The following ANKRD12 variants were observed in gnomAD, a reference collection of about 807,000 sequenced individuals.
ANKRD12 encodes ankyrin repeat domain 12.
In ANKRD12, 85 loss-of-function variants were observed where a neutral mutation model predicts 183.4. That is an observed-to-expected ratio of 0.46 (90% CI 0.39 to 0.56). The LOEUF (loss-of-function observed/expected upper bound fraction) is 0.56, where lower values mean the gene tolerates loss of function less well. Among genes scored for constraint, ANKRD12 ranks in the 20% least tolerant of loss-of-function variants. The pLI is 0.00. For missense variants in ANKRD12, 2,405 were observed against 2,357.1 expected, an observed-to-expected ratio of 1.02 and a Z score of -0.42; for synonymous variants, 914 against 800.2, an observed-to-expected ratio of 1.14 and a Z score of -2.40.
Position 9,162,564 on chromosome 18 carries a change from C to G in ANKRD12, c.-51-19818C>G, listed in dbSNP as rs541791024. On this transcript the variant is annotated intron_variant, in intron 1 of 12. Coordinates refer to ENST00000262126, the MANE Select transcript of ANKRD12 (RefSeq NM_015208.5). ...GATTTATATTCCTTTGGGTATATAC[C>G]TAGTAATGAGATGGCTGGGTCAAAT... Among the ~76,000 whole-genome samples the G allele has an allele frequency of 3.3e-5, 5 of 152,180 alleles. No individual in the cohort carries two copies. In the East Asian group the frequency reaches 9.6e-4, roughly 29 times the overall value.
At chr18:9,148,631 C>T (rs533222231) in intron 1 of ANKRD12, among the ~76,000 whole-genome samples, 127 of 152,162 alleles carry the variant, frequency 8.3e-4, no homozygotes, top group African/African-American at 2.9e-3. Flanking sequence ...GGAGCCAGAA[C>T]TTAGGTTTCA....
rs188237810 is a variant in ANKRD12 at position 9,284,164 on chromosome 18, C to T, written c.*3038C>T. The T allele has an allele frequency of 6.6e-6, 1 of 152,316 alleles. No homozygotes were observed. Among genetic ancestry groups the T allele is most frequent in the East Asian group, 1.9e-4 (1 of 5,194 alleles). 9.4% of individuals were successfully genotyped at this position (152,316 alleles called of 1,614,324 possible). A position where few individuals can be genotyped will look rare whatever the true frequency, so the allele number is the denominator to read the frequency against. On this transcript the variant is annotated 3_prime_UTR_variant, in exon 13 of 13. Coordinates refer to ENST00000262126, the MANE Select transcript of ANKRD12 (RefSeq NM_015208.5). ...CTGTTGGAAAAAGAGCACCAATAGA[C>T]TTGCTTGAAGCAGGGTTGCCACAAA...
rs552622770 is a variant in ANKRD12 at position 9,270,637 on chromosome 18, G to T, written c.5764-4887G>T. Among the ~76,000 whole-genome samples the T allele has an allele frequency of 3.3e-5, 5 of 152,190 alleles. No homozygotes were observed. The South Asian group carries it at 1.0e-3, about 32-fold the overall frequency. ...TTGTGGGGTGGAGGGAGGCGGGGAG[G>T]GATAGCATTAGGAGAGATACCTAAT... is the stretch of plus-strand genomic sequence containing the variant. On this transcript the variant is annotated intron_variant, in intron 10 of 12. Transcript: ENST00000262126.
chr18:9,235,211 A>G (rs1337002387), intron 8 of ANKRD12, among the ~76,000 whole-genome samples: 1 of 152,240 alleles, frequency 6.6e-6, no homozygotes, highest in Non-Finnish European at 1.5e-5. Context: ...ATCTTAAAAA[A>G]TAGGCCAATA....
At chr18:9,248,319 C>T (rs2038084661) in intron 8 of ANKRD12, among the ~76,000 whole-genome samples, 1 of 152,192 alleles carries the variant, frequency 6.6e-6, no homozygotes, top group Non-Finnish European at 1.5e-5. Flanking sequence ...TCAGTATTGA[C>T]ATAAACTTGC....
rs146429404 is a variant in ANKRD12 at position 9,236,263 on chromosome 18, G to T, written c.943+14264G>T. 6.3e-3 allele frequency among the ~76,000 whole-genome samples: 964 copies of T among 152,278 alleles called. 7 individuals carry two copies. Among genetic ancestry groups the T allele is most frequent in the Middle Eastern group, 0.017 (5 of 294 alleles). ...TGTGAAGGTGGCAACTTTGCTTTTA[G>T]TATCTATTTTCACCTCTTCACTATC... On this transcript the variant is annotated intron_variant, in intron 8 of 12. Coordinates refer to ENST00000262126, the MANE Select transcript of ANKRD12 (RefSeq NM_015208.5).
intron 1 of ANKRD12, among the ~76,000 whole-genome samples, chr18:9,160,658 G>T (rs1461395705): frequency 2.0e-5 from 3 of 152,182 alleles, no homozygotes; most frequent in Non-Finnish European, 4.4e-5. Context: ...CTAGGGATCT[G>T]TATCTTTTTT....
intron 9 of ANKRD12, among the ~76,000 whole-genome samples, chr18:9,261,791 C>T (rs1444713223): frequency 6.6e-6 from 1 of 152,208 alleles, no homozygotes; most frequent in Non-Finnish European, 1.5e-5. Context: ...GTTTCACTAA[C>T]TCTAACTCTG....
chr18:9,272,943 G>A (rs60354371), intron 10 of ANKRD12, among the ~76,000 whole-genome samples: 11,193 of 152,068 alleles, frequency 0.074, 424 homozygotes, highest in African/African-American at 0.083. Context: ...GTCGAGGAGA[G>A]GAGAGAATGG....
Position 9,257,313 on chromosome 18 carries a change from A to C in ANKRD12, c.4046A>C (p.Glu1349Ala), listed in dbSNP as rs1300472966. The change falls in exon 9 of 13, where the codon GAG becomes GCG. Residue 1349 changes from glutamate to alanine, a missense_variant. Around this residue, in one of 7 missense-constraint regions of ANKRD12, gnomAD observed 1,983 missense variants for 1,725.9 expected, o/e 1.15. Transcript: ENST00000262126. Reference protein sequence around the residue: ...PGDTSPSPKPEVFSNVPERDL... With the variant: ...PGDTSPSPKPAVFSNVPERDL... ...GATACTAGTCCTTCTCCCAAACCTG[A>C]GGTATTCTCAAATGTGCCTGAAAGA... is the stretch of plus-strand genomic sequence containing the variant. The C allele has an allele frequency of 6.2e-7, 1 of 1,614,170 alleles. No individual in the cohort carries two copies. The highest frequency in any genetic ancestry group is 1.7e-5 in the Admixed American group (1 of 60,022).
intron 2 of ANKRD12, among the ~76,000 whole-genome samples, 169 bp from the exon 3 acceptor site, chr18:9,195,382 A>AG (rs1323951677): frequency 1.8e-4 from 28 of 152,330 alleles, no homozygotes; most frequent in African/African-American, 5.5e-4. Context: ...GTAGGGAAAT[A>AG]TGAAACAGGA....
chr18:9,199,029 A>C (rs1453845437), intron 3 of ANKRD12, among the ~76,000 whole-genome samples: 1 of 152,160 alleles, frequency 6.6e-6, no homozygotes, highest in Non-Finnish European at 1.5e-5. Flanking sequence ...ATGGTGGCTC[A>C]CACCTGAAAT....
chr18:9,276,840 A>G (rs1485272585), intron 11 of ANKRD12, among the ~76,000 whole-genome samples: 2 of 152,244 alleles, frequency 1.3e-5, no homozygotes, highest in Non-Finnish European at 2.9e-5. Context: ...GACTAAAGAA[A>G]TAGGCACTGG....
chr18:9,281,037 A>G lies in ANKRD12; in HGVS notation c.6100A>G (p.Thr2034Ala). The change falls in exon 13 of 13, where the codon ACC becomes GCC. Residue 2034 changes from threonine (T) to alanine (A), a missense_variant. Physicochemically the swap from Thr to Ala is moderately conservative, Grantham distance 58. Coordinates refer to ENST00000262126, the MANE Select transcript of ANKRD12 (RefSeq NM_015208.5). ...QLKLQELDPA[T>A]YKSISIYEIQ... is the part of the protein sequence containing the mutation. ...CAAACTCCAGGAACTTGATCCTGCC[A>G]CCTATAAATCTATCAGCATTTACGA... 6.2e-7 allele frequency: 1 copy of G among 1,614,114 alleles called. No homozygotes were observed. The highest frequency in any genetic ancestry group is 8.5e-7 in the Non-Finnish European group (1 of 1,179,972).
chr18:9,145,395 A>T (rs2078459700), intron 1 of ANKRD12, among the ~76,000 whole-genome samples: 5 of 152,250 alleles, frequency 3.3e-5, no homozygotes, highest in Admixed American at 2.0e-4. Flanking sequence ...TCGGGAAGAT[A>T]CAAGTGAAGG....
chr18:9,174,291 A>C (rs998434222), intron 1 of ANKRD12, among the ~76,000 whole-genome samples: 2 of 152,202 alleles, frequency 1.3e-5, no homozygotes, highest in African/African-American at 2.4e-5. Flanking sequence ...GGTGCCATGG[A>C]AGTGAGGCCC....
At position 9,283,462 on chromosome 18, in the gene ANKRD12, C is replaced by T. The variant is rs917698648; in HGVS notation, c.*2336C>T. ...CTTAAAAGAAAAGTTAATGCCTTCT[C>T]ATTGGAAATGTATAATCAAATAAGT... is the stretch of plus-strand genomic sequence containing the variant. On this transcript the variant is annotated 3_prime_UTR_variant, in exon 13 of 13. Coordinates refer to ENST00000262126, the MANE Select transcript of ANKRD12 (RefSeq NM_015208.5). The T allele has an allele frequency of 7.2e-5, 11 of 152,196 alleles. No homozygotes were observed. Among genetic ancestry groups the T allele is most frequent in the African/African-American group, 2.7e-4 (11 of 41,428 alleles). The allele number at this position is 152,196 out of a possible 1,614,324, so 9.4% of individuals were successfully genotyped here.
intron 8 of ANKRD12, among the ~76,000 whole-genome samples, chr18:9,231,984 G>GT (rs2144878133): frequency 6.6e-6 from 1 of 152,232 alleles, no homozygotes; most frequent in Non-Finnish European, 1.5e-5. Flanking sequence ...GTTGGATCAT[G>GT]TTTTTTTACC....
chr18:9,198,011 C>T (rs1288239551), intron 3 of ANKRD12, among the ~76,000 whole-genome samples: 1 of 152,230 alleles, frequency 6.6e-6, no homozygotes, highest in Non-Finnish European at 1.5e-5. Flanking sequence ...GTGTTATTTA[C>T]GATTCAAGTG....
Sources: allele counts gnomAD v4.1 joint callset (sites outside exome capture counted in the v4.1 genomes callset), GRCh38; gene constraint gnomAD v4.1.1; regional missense constraint gnomAD v4.1.1; transcripts MANE v1.5; gene names NCBI Gene and HGNC (gene_info 2026-07-23, HGNC 2026-07-21).